Variants in ANO7 observed in about 807,000 individuals in gnomAD.
ANO7 encodes anoctamin-7.
In ANO7, 114 loss-of-function variants were observed where a neutral mutation model predicts 115.8. The ratio of observed to expected loss-of-function variants is 0.98; its 90% CI spans 0.85 to 1.15. The LOEUF is 1.15. Ranked by LOEUF, ANO7 falls within the 50% of genes most tolerant of loss-of-function variation. The pLI is 0.00. For missense variants in ANO7, 1,302 were observed against 1,201.2 expected, an observed-to-expected ratio of 1.08 and a Z score of -1.24; for synonymous variants, 550 against 498.2, an observed-to-expected ratio of 1.10 and a Z score of -1.38.
chr2:241,221,309 C>T (rs1373756729), intron 21 of ANO7, among the ~76,000 whole-genome samples: 1 of 151,984 alleles, frequency 6.6e-6, no homozygotes, highest in Non-Finnish European at 1.5e-5. Context: ...CTCCTGACCT[C>T]AGGTGATCCG....
rs150375459 is a variant in ANO7, at chr2:241,222,826, A to G, written c.2322-360A>G. Among the ~76,000 whole-genome samples, 35 of 152,296 alleles carry G rather than the reference A, an allele frequency of 2.3e-4. No individual in the cohort carries two copies. In the East Asian group the frequency reaches 6.2e-3, roughly 27 times the overall value. ...ACTGCTGATCTCACAGAGGTCAGCA[A>G]TCGGCGGATTTTCACCGTGTAAGTA... On this transcript the variant is annotated intron_variant, in intron 21 of 24. Coordinates refer to ENST00000674324, the MANE Select transcript of ANO7 (RefSeq NM_001370694.2).
At chr2:241,211,834 A>C (rs546378555) in intron 15 of ANO7, among the ~76,000 whole-genome samples, 1 of 152,110 alleles carries the variant, frequency 6.6e-6, no homozygotes, top group Non-Finnish European at 1.5e-5. Flanking sequence ...TCTCTGACCC[A>C]TCCCCTGACC....
intron 1 of ANO7, 63 bp from the exon 2 acceptor site, chr2:241,189,994 C>T: frequency 1.5e-6 from 2 of 1,333,940 alleles, no homozygotes; most frequent in East Asian, 5.1e-5. Flanking sequence ...GTGGTGGCCC[C>T]AGGAACGGGT....
the ANO7 span, chr2:241,231,271 C>G: frequency 4.9e-6 from 1 of 204,900 alleles, no homozygotes; most frequent in Non-Finnish European, 9.9e-6. Flanking sequence ...GTAATCCCAG[C>G]TACTCCCGGG....
In ANO7 at chr2:241,217,783, G is replaced by A. The variant is rs760399272; in HGVS notation, c.2070G>A (p.Ala690=). ...ACTGGGTGGAGATCCGCTTGGACGCGCGCAAGTTCGTCTGCGAGTACCGGC... is the reference window on the plus strand; with the variant it reads ...ACTGGGTGGAGATCCGCTTGGACGCACGCAAGTTCGTCTGCGAGTACCGGC... ...LNNWVEIRLD[A]RKFVCEYRRP... is the part of the protein sequence containing the mutation. The change falls in exon 20 of 25, where the codon GCG becomes GCA. Residue 690 remains alanine, a synonymous_variant. Coordinates refer to ENST00000674324, the MANE Select transcript of ANO7 (RefSeq NM_001370694.2). 3 of 1,609,946 alleles carry A rather than the reference G, an allele frequency of 1.9e-6. No individual in the cohort carries two copies. The highest frequency in any genetic ancestry group is 3.3e-5 in the Admixed American group (2 of 59,750).
At chr2:241,226,254 G>A (rs1357098947), downstream of ANO7, among the ~76,000 whole-genome samples, 2 of 151,952 alleles carry the variant, frequency 1.3e-5, no homozygotes, top group African/African-American at 4.8e-5. Context: ...TGCATTTGGC[G>A]TCTGCCGTGG....
intron 4 of ANO7, among the ~76,000 whole-genome samples, chr2:241,198,068 A>G (rs1202582447): frequency 1.3e-5 from 2 of 152,190 alleles, no homozygotes; most frequent in Non-Finnish European, 2.9e-5. Flanking sequence ...TGTCCTGGTC[A>G]TGATGGTGTC....
downstream of ANO7, chr2:241,230,142 C>G: frequency 6.2e-7 from 1 of 1,607,056 alleles, no homozygotes; most frequent in Non-Finnish European, 8.5e-7. This position sits in a 1 kb window ranked among gnomAD's most constrained non-coding sequence, Gnocchi z 5.0. Context: ...CCAAGGCCCA[C>G]AGAGACTCAC....
intron 15 of ANO7, 49 bp from the exon 16 acceptor site, chr2:241,212,045 G>C: frequency 2.0e-6 from 3 of 1,529,820 alleles, no homozygotes; most frequent in Non-Finnish European, 2.7e-6. Flanking sequence ...CCCCTAGTTG[G>C]ATGCTGGTGA....
chr2:241,238,638 G>T, the ANO7 span: 1 of 1,551,410 alleles, frequency 6.4e-7, no homozygotes, highest in South Asian at 1.2e-5. The surrounding 1 kb of genome is among the most constrained non-coding windows in gnomAD (Gnocchi z 4.9). Flanking sequence ...CAGGGCTAAT[G>T]GGGGACCCAC....
the ANO7 span, chr2:241,236,308 T>C: frequency 1.3e-5 from 5 of 386,846 alleles, no homozygotes; most frequent in Non-Finnish European, 1.9e-5. Flanking sequence ...GGAGGTCACA[T>C]TCATCCCCCT....
intron 4 of ANO7, among the ~76,000 whole-genome samples, chr2:241,196,611 C>T (rs1436947010): frequency 6.6e-6 from 1 of 152,256 alleles, no homozygotes; most frequent in Non-Finnish European, 1.5e-5. Context: ...AGCAATACAG[C>T]CTGGCTTTGT....
chr2:241,235,237 C>T, the ANO7 span: 1 of 1,614,192 alleles, frequency 6.2e-7, no homozygotes, highest in Non-Finnish European at 8.5e-7. Flanking sequence ...AGCTCAGGTG[C>T]CGGGACATGT....
chr2:241,230,103 C>T (rs774607767), downstream of ANO7: 13 of 1,590,676 alleles, frequency 8.2e-6, no homozygotes, highest in East Asian at 6.7e-5. This position sits in a 1 kb window ranked among gnomAD's most constrained non-coding sequence, Gnocchi z 5.0. Context: ...GGCCTCAGGC[C>T]GGTGGACGTG....
In ANO7 at chr2:241,225,812, T is replaced by C. The variant is rs1279198947; in HGVS notation, c.*1659T>C. 2.0e-5 allele frequency among the ~76,000 whole-genome samples: 3 copies of C among 152,240 alleles called. No homozygotes were observed. The highest frequency in any genetic ancestry group is 4.8e-5 in the African/African-American group (2 of 41,562). On this transcript the variant is annotated 3_prime_UTR_variant, in exon 25 of 25. Transcript: ENST00000674324. ...GGGCTGGACACCACCGGCCGGAGCA[T>C]GGCGGACAGCACACACGGCCCGGGG...
chr2:241,201,894 G>C (rs76491063), intron 7 of ANO7, among the ~76,000 whole-genome samples: 1,752 of 152,340 alleles, frequency 0.012, 11 homozygotes, highest in Non-Finnish European at 0.018. Context: ...AGTGGGCTGC[G>C]CACGGCCAGG....
intron 3 of ANO7, among the ~76,000 whole-genome samples, chr2:241,192,303 C>T (rs1574754975): frequency 6.6e-6 from 1 of 152,124 alleles, no homozygotes; most frequent in East Asian, 1.9e-4. Flanking sequence ...CCAGCCTGGG[C>T]AGCAAGAGCA....
chr2:241,231,182 C>T, the ANO7 span: 2 of 443,800 alleles, frequency 4.5e-6, no homozygotes, highest in East Asian at 4.2e-5. Context: ...GTCCGGAATT[C>T]GTGACCAGCC....
intron 16 of ANO7, 113 bp downstream of exon 16, chr2:241,212,318 G>A (rs1340588523): frequency 1.4e-5 from 16 of 1,141,828 alleles, no homozygotes; most frequent in Admixed American, 5.5e-5. Context: ...GGTGGAGGAC[G>A]GAACCGGAGA....
Sources: gnomAD v4.1 joint callset for allele counts (sites outside exome capture counted in the v4.1 genomes callset) on GRCh38, gnomAD v4.1.1 for gene constraint, Gnocchi (gnomAD v3.1) non-coding constraint, MANE v1.5 for transcripts, NCBI Gene and HGNC (gene_info 2026-07-23, HGNC 2026-07-21) for gene names.